The following CPAP variants were observed in gnomAD, a reference collection of about 807,000 sequenced individuals.
The protein encoded by CPAP is centrosomal P4.1-associated protein.
chr13:24,923,512 T>A, the CPAP span, among the ~76,000 whole-genome samples: 1 of 152,190 alleles, frequency 6.6e-6, no homozygotes. Context: ...AGTGCAGAAT[T>A]CAAGAAATTT....
At chr13:24,927,691 T>C in the CPAP span, among the ~76,000 whole-genome samples, 1 of 152,226 alleles carries the variant, frequency 6.6e-6, no homozygotes, top group Admixed American at 6.5e-5. Flanking sequence ...TGAACAGTCC[T>C]ACCATGTGTC....
the CPAP span, among the ~76,000 whole-genome samples, chr13:24,912,370 TAC>T: frequency 6.6e-6 from 1 of 152,246 alleles, no homozygotes; most frequent in Non-Finnish European, 1.5e-5. Flanking sequence ...AACCATTTCT[TAC>T]TTTTCGCCAA....
At chr13:24,889,378 T>C in the CPAP span, 1 of 1,610,620 alleles carries the variant, frequency 6.2e-7, no homozygotes, top group Non-Finnish European at 8.5e-7. Flanking sequence ...AATCTGACTG[T>C]TTTGAAATCG....
At chr13:24,892,804 T>G in the CPAP span, 3 of 1,613,896 alleles carry the variant, frequency 1.9e-6, no homozygotes, top group Non-Finnish European at 2.5e-6. Flanking sequence ...CTGTGTGTAC[T>G]TGACCATTTG....
chr13:24,928,016 C>T, the CPAP span, among the ~76,000 whole-genome samples: 2 of 152,244 alleles, frequency 1.3e-5, no homozygotes, highest in Non-Finnish European at 2.9e-5. Context: ...ATCATTCACA[C>T]ACGTGACCCC....
At chr13:24,883,198 C>T in the CPAP span, 1 of 1,614,050 alleles carries the variant, frequency 6.2e-7, no homozygotes, top group South Asian at 1.1e-5. Flanking sequence ...TGTCCATTAG[C>T]ACATTACCCT....
At chr13:24,909,921 C>A in the CPAP span, 1 of 1,614,152 alleles carries the variant, frequency 6.2e-7, no homozygotes, top group Non-Finnish European at 8.5e-7. Context: ...AGCAGTTCTA[C>A]AGAAGTTGCT....
the CPAP span, among the ~76,000 whole-genome samples, chr13:24,898,273 G>A: frequency 6.6e-6 from 1 of 152,114 alleles, no homozygotes; most frequent in Non-Finnish European, 1.5e-5. Context: ...AGATGTCTGG[G>A]ATTTCACTTT....
At chr13:24,920,271 AG>A in the CPAP span, among the ~76,000 whole-genome samples, 1 of 152,268 alleles carries the variant, frequency 6.6e-6, no homozygotes, top group African/African-American at 2.4e-5. Context: ...ACAATTGTTC[AG>A]TATGTACAAA....
the CPAP span, among the ~76,000 whole-genome samples, chr13:24,898,320 C>T: frequency 4.1e-3 from 616 of 152,006 alleles, 1 homozygote; most frequent in African/African-American, 0.014. Context: ...AAGAGTACAG[C>T]GGGGAGAGAG....
the CPAP span, chr13:24,911,968 C>A: frequency 1.1e-5 from 18 of 1,614,188 alleles, no homozygotes; most frequent in South Asian, 1.5e-4. Context: ...ACTGCCCAGA[C>A]ACCATGGTGA....
At chr13:24,909,514 C>T in the CPAP span, among the ~76,000 whole-genome samples, 1,599 of 149,454 alleles carry the variant, frequency 0.011, 35 homozygotes, top group African/African-American at 0.036. Flanking sequence ...GGTGACAGAG[C>T]GAGACTGTCT....
chr13:24,923,037 A>T, the CPAP span: 1 of 152,332 alleles, frequency 6.6e-6, no homozygotes, highest in African/African-American at 2.4e-5. Flanking sequence ...CCAGTGGTCG[A>T]CGTAGGCGGG....
the CPAP span, among the ~76,000 whole-genome samples, chr13:24,920,305 G>A: frequency 1.3e-5 from 2 of 152,170 alleles, no homozygotes; most frequent in African/African-American, 2.4e-5. Context: ...CCAGTTTATA[G>A]AACTGTTAAA....
the CPAP span, among the ~76,000 whole-genome samples, chr13:24,901,025 G>A: frequency 6.6e-6 from 1 of 152,168 alleles, no homozygotes; most frequent in South Asian, 2.1e-4. Flanking sequence ...AGAACAACGA[G>A]GCAGTGGGAT....
the CPAP span, among the ~76,000 whole-genome samples, chr13:24,932,007 A>T: frequency 2.0e-5 from 3 of 152,210 alleles, no homozygotes; most frequent in South Asian, 6.2e-4. Flanking sequence ...CCCCACCTGG[A>T]GGGACCCAAT....
chr13:24,886,453 C>A, the CPAP span: 1 of 832,948 alleles, frequency 1.2e-6, no homozygotes, highest in Non-Finnish European at 1.7e-6. Context: ...AACTGCCACA[C>A]ATCAGCAATT....
chr13:24,913,281 C>G, the CPAP span, among the ~76,000 whole-genome samples: 1 of 151,884 alleles, frequency 6.6e-6, no homozygotes, highest in Non-Finnish European at 1.5e-5. Context: ...TTGAGTAGAT[C>G]AAAAACGTAA....
At chr13:24,917,855 CTG>C in the CPAP span, among the ~76,000 whole-genome samples, 1 of 152,172 alleles carries the variant, frequency 6.6e-6, no homozygotes, top group Admixed American at 6.5e-5. Flanking sequence ...GCAAAACAGC[CTG>C]TGAGAGAGAG....
Sources: gnomAD v4.1 joint callset for allele counts (sites outside exome capture counted in the v4.1 genomes callset) on GRCh38, gnomAD v4.1.1 for gene constraint, MANE v1.5 for transcripts, NCBI Gene and HGNC (gene_info 2026-07-23, HGNC 2026-07-21) for gene names.